Variants in GABRG3 observed in about 807,000 individuals in gnomAD.
GABRG3 encodes gamma-aminobutyric acid receptor subunit gamma-3.
GABRG3 carries 25 observed loss-of-function variants against 48.8 expected under a neutral mutation model. The observed-to-expected ratio is 0.51, with a 90% CI of 0.37 to 0.72. The LOEUF is 0.72. GABRG3 is among the 30% of genes least tolerant of loss of function. The pLI, the probability that GABRG3 is intolerant of heterozygous loss-of-function variation, is 0.00. For missense variants in GABRG3, 394 were observed against 577.9 expected, an observed-to-expected ratio of 0.68 and a Z score of 3.26; for synonymous variants, 227 against 217.6, an observed-to-expected ratio of 1.04 and a Z score of -0.38.
At chr15:27,347,847 T>C (rs1283155469) in intron 5 of GABRG3, among the ~76,000 whole-genome samples, 2 of 152,132 alleles carry the variant, frequency 1.3e-5, no homozygotes, top group African/African-American at 2.4e-5. Context: ...GGTAAACAGA[T>C]ACCTGCTGTG....
At chr15:27,455,287 C>T (rs554831716) in intron 5 of GABRG3, among the ~76,000 whole-genome samples, 15 of 152,300 alleles carry the variant, frequency 9.8e-5, no homozygotes, top group East Asian at 7.7e-4. Context: ...TTACACCTTC[C>T]GCCCTTTAAT....
At chr15:27,065,197 GATGA>G (rs750116352) in intron 3 of GABRG3, among the ~76,000 whole-genome samples, 27 of 152,268 alleles carry the variant, frequency 1.8e-4, no homozygotes, top group African/African-American at 4.6e-4. Flanking sequence ...ATAACGAGTG[GATGA>G]ATGAATGAAT....
At chr15:27,505,546 T>C (rs1256026517) in intron 6 of GABRG3, among the ~76,000 whole-genome samples, 1 of 152,222 alleles carries the variant, frequency 6.6e-6, no homozygotes, top group African/African-American at 2.4e-5. Flanking sequence ...TTTGTTTACA[T>C]TTTCTGAATA....
intron 5 of GABRG3, among the ~76,000 whole-genome samples, chr15:27,351,496 TGTGTGTTGGTATGTGTGTATG>T (rs1471656923): frequency 6.7e-6 from 1 of 149,078 alleles, no homozygotes; most frequent in Non-Finnish European, 1.5e-5. Flanking sequence ...GTATGGTGTG[TGTGTGTTGGTATGTGTGTATG>T]GTGTGTTTGT....
chr15:27,025,424 G>A (rs1175441011), intron 2 of GABRG3, among the ~76,000 whole-genome samples: 1 of 152,166 alleles, frequency 6.6e-6, no homozygotes, highest in Non-Finnish European at 1.5e-5. Flanking sequence ...ATAGTAGTTA[G>A]CAAAGCTTAG....
intron 3 of GABRG3, among the ~76,000 whole-genome samples, chr15:27,064,814 G>A (rs1896710164): frequency 6.6e-6 from 1 of 152,182 alleles, no homozygotes; most frequent in Non-Finnish European, 1.5e-5. Flanking sequence ...AATACTTTAT[G>A]ATTTTGTAGC....
At chr15:27,154,413 T>C (rs973321123) in intron 3 of GABRG3, among the ~76,000 whole-genome samples, 3 of 152,194 alleles carry the variant, frequency 2.0e-5, no homozygotes, top group African/African-American at 7.2e-5. Flanking sequence ...CCTGAATTGC[T>C]ACTGAGCTCA....
chr15:27,022,032 G>A (rs909989810), intron 2 of GABRG3, among the ~76,000 whole-genome samples: 1 of 151,958 alleles, frequency 6.6e-6, no homozygotes, highest in Admixed American at 6.6e-5. Context: ...CATTCCTCTG[G>A]GATGCCTTCC....
chr15:27,049,148 A>G lies in GABRG3; in HGVS notation c.270+22327A>G, dbSNP rs1001720065. ...TCCTGCACATGCAGGGTTGGGTTTAATGCTCTGGTGTCTCTCTCTTGATGT... is the reference window on the plus strand; with the variant it reads ...TCCTGCACATGCAGGGTTGGGTTTAGTGCTCTGGTGTCTCTCTCTTGATGT... On this transcript the variant is annotated intron_variant, in intron 3 of 9. Transcript: ENST00000615808. Among the ~76,000 whole-genome samples, 10 of 152,310 alleles carry G rather than the reference A, an allele frequency of 6.6e-5. No individual in the cohort carries two copies. The South Asian group carries it at 1.9e-3, about 28-fold the overall frequency.
At chr15:27,298,720 G>A (rs972067012) in intron 3 of GABRG3, among the ~76,000 whole-genome samples, 7 of 151,188 alleles carry the variant, frequency 4.6e-5, no homozygotes, top group African/African-American at 1.5e-4. Flanking sequence ...AAGTTCTGGG[G>A]TACATCTGCA....
At chr15:27,401,489 G>A (rs560958320) in intron 5 of GABRG3, among the ~76,000 whole-genome samples, 1 of 152,158 alleles carries the variant, frequency 6.6e-6, no homozygotes, top group Non-Finnish European at 1.5e-5. Context: ...TTTCAATGTA[G>A]ATTCTGGATC....
chr15:27,061,975 A>C (rs1243120000), intron 3 of GABRG3, among the ~76,000 whole-genome samples: 1 of 152,156 alleles, frequency 6.6e-6, no homozygotes, highest in East Asian at 1.9e-4. Context: ...GGAAGCTGAA[A>C]TCAGCCTCCT....
At chr15:27,014,519 A>G (rs1895743537) in intron 2 of GABRG3, among the ~76,000 whole-genome samples, 1 of 151,848 alleles carries the variant, frequency 6.6e-6, no homozygotes, top group Non-Finnish European at 1.5e-5. Context: ...TATATTTTCT[A>G]AGTTCCCTTG....
At chr15:27,435,476 C>T (rs1888582846) in intron 5 of GABRG3, among the ~76,000 whole-genome samples, 1 of 152,094 alleles carries the variant, frequency 6.6e-6, no homozygotes, top group African/African-American at 2.4e-5. Flanking sequence ...ATTTTGCACA[C>T]AGCCATGGTG....
chr15:27,303,107 A>G (rs910048082), intron 3 of GABRG3, among the ~76,000 whole-genome samples: 3 of 151,848 alleles, frequency 2.0e-5, no homozygotes, highest in African/African-American at 7.2e-5. Flanking sequence ...ATCAAGCCAA[A>G]TTAAGGAAAT....
chr15:27,268,161 T>C (rs75158600), intron 3 of GABRG3, among the ~76,000 whole-genome samples: 1,542 of 152,308 alleles, frequency 0.01, 25 homozygotes, highest in African/African-American at 0.035. Context: ...TGAAGTCATC[T>C]TGACATGGAG....
intron 5 of GABRG3, among the ~76,000 whole-genome samples, chr15:27,373,542 G>A (rs547018369): frequency 1.4e-4 from 22 of 152,222 alleles, no homozygotes; most frequent in African/African-American, 5.3e-4. Flanking sequence ...CTATATTTGG[G>A]ATGTTGAATT....
chr15:27,076,326 T>TC (rs1359377174), intron 3 of GABRG3, among the ~76,000 whole-genome samples: 1 of 145,754 alleles, frequency 6.9e-6, no homozygotes, highest in East Asian at 2.0e-4. Context: ...GTCTTTTTTT[T>TC]TTTTTTTTTT....
chr15:27,499,811 A>G (rs73369542), intron 6 of GABRG3, among the ~76,000 whole-genome samples: 5,652 of 152,274 alleles, frequency 0.037, 336 homozygotes, highest in African/African-American at 0.13. Context: ...CTCCATAAGC[A>G]GATGTGGATG....
Sources: gnomAD v4.1 joint callset for allele counts (sites outside exome capture counted in the v4.1 genomes callset) on GRCh38, gnomAD v4.1.1 for gene constraint, MANE v1.5 for transcripts, NCBI Gene and HGNC (gene_info 2026-07-23, HGNC 2026-07-21) for gene names.